Variants in FOXP1 observed in about 807,000 individuals in gnomAD.
The protein encoded by FOXP1 is forkhead box protein P1.
A neutral mutation model predicts 98.2 loss-of-function variants in FOXP1; 15 were observed. The ratio of observed to expected loss-of-function variants is 0.15; its 90% CI spans 0.10 to 0.24. FOXP1 has a LOEUF of 0.24. Ranked by LOEUF, FOXP1 falls within the 10% of genes least tolerant of loss-of-function variation. The pLI is 1.00. For synonymous variants in FOXP1, 371 were observed against 314.5 expected, an observed-to-expected ratio of 1.18 and a Z score of -1.90; for missense variants, 633 against 848.5, an observed-to-expected ratio of 0.75 and a Z score of 3.15.
chr3:71,207,532 T>A (rs1048534735), intron 5 of FOXP1, among the ~76,000 whole-genome samples: 1 of 152,210 alleles, frequency 6.6e-6, no homozygotes, highest in Non-Finnish European at 1.5e-5. Flanking sequence ...TATATGTATT[T>A]TCCCCCCTGA....
At chr3:70,990,835 T>G (rs528546425) in intron 13 of FOXP1, among the ~76,000 whole-genome samples, 1 of 152,160 alleles carries the variant, frequency 6.6e-6, no homozygotes, top group African/African-American at 2.4e-5. Context: ...TGAAAACGGT[T>G]AAGGATGTGG....
chr3:70,987,307 T>C (rs2039912368), intron 14 of FOXP1, among the ~76,000 whole-genome samples: 1 of 152,244 alleles, frequency 6.6e-6, no homozygotes, highest in African/African-American at 2.4e-5. Context: ...ACGATCCTTC[T>C]GCTTCGGTAT....
At chr3:71,466,956 G>A (rs1034094660) in intron 3 of FOXP1, among the ~76,000 whole-genome samples, 6 of 152,250 alleles carry the variant, frequency 3.9e-5, no homozygotes, top group Middle Eastern at 3.4e-3. Context: ...GCTTCAATGG[G>A]AAAACTCATG....
At chr3:71,412,890 C>T (rs1162962201) in intron 3 of FOXP1, among the ~76,000 whole-genome samples, 1 of 152,016 alleles carries the variant, frequency 6.6e-6, no homozygotes, top group Non-Finnish European at 1.5e-5. Flanking sequence ...AAATATTTTC[C>T]TGCTTAATAT....
intron 2 of FOXP1, among the ~76,000 whole-genome samples, chr3:71,520,543 T>C (rs1011271160): frequency 6.6e-6 from 1 of 152,186 alleles, no homozygotes; most frequent in African/African-American, 2.4e-5. Flanking sequence ...AAGGGGGCCT[T>C]TCCCCCACAT....
chr3:71,369,452 T>A (rs112805279), intron 3 of FOXP1, among the ~76,000 whole-genome samples: 2 of 152,146 alleles, frequency 1.3e-5, no homozygotes, highest in Admixed American at 1.3e-4. Flanking sequence ...TGGAGTACAA[T>A]GGCGCAATCT....
intron 2 of FOXP1, among the ~76,000 whole-genome samples, chr3:71,546,188 G>A (rs2045344273): frequency 6.6e-6 from 1 of 152,158 alleles, no homozygotes; most frequent in South Asian, 2.1e-4. Context: ...AGCTGGCGAG[G>A]GTTAGTGGTC....
intron 5 of FOXP1, chr3:71,296,020 T>A (rs986818127): frequency 1.3e-5 from 2 of 152,196 alleles, no homozygotes; most frequent in Admixed American, 6.5e-5. Flanking sequence ...AGCACTCAGA[T>A]CTAGTTGGAA....
chr3:71,491,845 T>A (rs1389740683), intron 3 of FOXP1, among the ~76,000 whole-genome samples: 1 of 152,216 alleles, frequency 6.6e-6, no homozygotes, highest in African/African-American at 2.4e-5. Flanking sequence ...CCTCTAGCTA[T>A]AAAATCTTCA....
intron 7 of FOXP1, among the ~76,000 whole-genome samples, chr3:71,102,361 G>A (rs1157140003): frequency 6.6e-6 from 1 of 152,112 alleles, no homozygotes; most frequent in Non-Finnish European, 1.5e-5. Flanking sequence ...TGTTACACAA[G>A]CATGCTATAT....
chr3:71,557,637 T>C (rs1001083199), intron 2 of FOXP1, among the ~76,000 whole-genome samples: 2 of 152,178 alleles, frequency 1.3e-5, no homozygotes, highest in Non-Finnish European at 2.9e-5. Context: ...GGTGAGGTAA[T>C]AGAAAGACTG....
chr3:71,559,232 C>T (rs1369852038), intron 2 of FOXP1, among the ~76,000 whole-genome samples: 2 of 152,236 alleles, frequency 1.3e-5, no homozygotes, highest in African/African-American at 4.8e-5. Flanking sequence ...GGGCTACCCC[C>T]ACTCTGAACT....
chr3:71,418,571 T>C (rs1281633018), intron 3 of FOXP1, among the ~76,000 whole-genome samples: 1 of 152,196 alleles, frequency 6.6e-6, no homozygotes, highest in Admixed American at 6.5e-5. Context: ...AGCGGTGTAT[T>C]TTCCCCTTCA....
intron 5 of FOXP1, among the ~76,000 whole-genome samples, chr3:71,222,443 G>A (rs1186125470): frequency 5.3e-5 from 8 of 151,972 alleles, no homozygotes; most frequent in Admixed American, 3.3e-4. Context: ...TTTTGAGATG[G>A]AGTCTCGCTC....
intron 5 of FOXP1, among the ~76,000 whole-genome samples, chr3:71,263,301 A>C (rs779838212): frequency 6.6e-6 from 1 of 152,128 alleles, no homozygotes; most frequent in Non-Finnish European, 1.5e-5. Context: ...AAAACAACAA[A>C]ACCGAGCCTG....
intron 3 of FOXP1, among the ~76,000 whole-genome samples, chr3:71,371,958 A>G (rs964842170): frequency 3.9e-5 from 6 of 151,926 alleles, no homozygotes; most frequent in African/African-American, 1.5e-4. Flanking sequence ...TCTCTGCAGG[A>G]AAGGTTCTTC....
rs765428135 is a variant in FOXP1 at position 71,197,947 on chromosome 3, T to C, written c.180+255A>G. The C allele has an allele frequency of 2.5e-6, 4 of 1,614,248 alleles. No homozygotes were observed. The Admixed American group carries it at 6.7e-5, about 27-fold the overall frequency. On this transcript the variant is annotated intron_variant, in intron 6 of 20. Transcript: ENST00000649528. ...AGGCTGACACACAGGTCCACTCATC[T>C]TCGTCTCAGCAACTGCTCCCCACAA...
At chr3:71,005,013 T>C (rs569669898) in intron 12 of FOXP1, among the ~76,000 whole-genome samples, 1 of 152,252 alleles carries the variant, frequency 6.6e-6, no homozygotes, top group Non-Finnish European at 1.5e-5. Context: ...TTATGAACGT[T>C]GGCATGTGTC....
At chr3:71,221,699 T>G (rs916395920) in intron 5 of FOXP1, among the ~76,000 whole-genome samples, 1 of 152,238 alleles carries the variant, frequency 6.6e-6, no homozygotes, top group African/African-American at 2.4e-5. Flanking sequence ...TGGGTTACTC[T>G]TCTATCCCTC....
Sources: allele counts gnomAD v4.1 joint callset (sites outside exome capture counted in the v4.1 genomes callset), GRCh38; gene constraint gnomAD v4.1.1; transcripts MANE v1.5; gene names NCBI Gene and HGNC (gene_info 2026-07-23, HGNC 2026-07-21).